SLC17A5: variants seen among roughly 807,000 people sequenced by gnomAD.
The protein encoded by SLC17A5 is solute carrier family 17 member 5, also known as sialin.
A neutral mutation model predicts 59.4 loss-of-function variants in SLC17A5; 47 were observed. That is an observed-to-expected ratio of 0.79 (90% CI 0.63 to 1.01). SLC17A5 has a LOEUF of 1.01. SLC17A5 is among the 50% of genes least tolerant of loss of function. The pLI, the probability that SLC17A5 is intolerant of heterozygous loss-of-function variation, is 0.00. For synonymous variants in SLC17A5, 202 were observed against 210.7 expected (o/e 0.96, Z 0.36); for missense variants, 522 against 595.5 (o/e 0.88, Z 1.28).
intron 7 of SLC17A5, among the ~76,000 whole-genome samples, chr6:73,619,715 A>G (rs990326750): frequency 2.2e-4 from 34 of 152,130 alleles, no homozygotes; most frequent in Admixed American, 2.0e-4. Flanking sequence ...ATTTTAATTA[A>G]GATAAACCTT....
At chr6:73,607,813 G>A (rs961459709) in intron 9 of SLC17A5, among the ~76,000 whole-genome samples, 1 of 115,760 alleles carries the variant, frequency 8.6e-6, no homozygotes, top group Non-Finnish European at 1.7e-5. Flanking sequence ...GTCTCACTTT[G>A]TCACCCAGGC....
At position 73,598,901 on chromosome 6, in the gene SLC17A5, C is replaced by T. The variant is rs138508627; in HGVS notation, c.1350+1450G>A. Among the ~76,000 whole-genome samples the T allele has an allele frequency of 7.4e-3, 1,123 of 151,662 alleles. 13 individuals are homozygous for T. The highest frequency in any genetic ancestry group is 0.025 in the African/African-American group (1,013 of 41,340). On this transcript the variant is annotated intron_variant, in intron 10 of 10. Transcript: ENST00000355773. ...CGGGAGGCTGAGGCAGGAAAATCGC[C>T]GGAACCCGGGAGGCAAAGGTTGTGG...
At chr6:73,608,278 G>A (rs1442343988) in intron 9 of SLC17A5, among the ~76,000 whole-genome samples, 1 of 152,120 alleles carries the variant, frequency 6.6e-6, no homozygotes, top group African/African-American at 2.4e-5. Context: ...ATTGGGGTTG[G>A]TTCATGTGAC....
intron 3 of SLC17A5, 39 bp from the exon 4 acceptor site, chr6:73,638,538 G>C (rs754243791): frequency 1.3e-6 from 2 of 1,513,926 alleles, no homozygotes; most frequent in South Asian, 2.3e-5. Context: ...TGAAATGTAA[G>C]GTAGTTTTGT....
chr6:73,601,311 C>T (rs1243719112), intron 9 of SLC17A5, among the ~76,000 whole-genome samples: 1 of 146,122 alleles, frequency 6.8e-6, no homozygotes, highest in South Asian at 2.2e-4. Flanking sequence ...GCCCGGCAGC[C>T]GCCCCGTCTG....
At chr6:73,629,579 C>G (rs983465496) in intron 6 of SLC17A5, among the ~76,000 whole-genome samples, 1 of 152,038 alleles carries the variant, frequency 6.6e-6, no homozygotes, top group African/African-American at 2.4e-5. Flanking sequence ...TTGAGACCAG[C>G]CTGACCAACA....
At chr6:73,645,654 C>G (rs532408132) in intron 1 of SLC17A5, 4 of 212,214 alleles carry the variant, frequency 1.9e-5, no homozygotes, top group Non-Finnish European at 2.4e-5. Context: ...CGGGCGTGGT[C>G]GCGGGCGCCT....
chr6:73,629,794 GAAGA>G (rs951842017), intron 6 of SLC17A5, among the ~76,000 whole-genome samples: 4 of 151,902 alleles, frequency 2.6e-5, no homozygotes, highest in African/African-American at 4.8e-5. Flanking sequence ...AAAAAAACAA[GAAGA>G]AAGAAAAGAA....
At chr6:73,625,850 T>C (rs527890857) in intron 6 of SLC17A5, among the ~76,000 whole-genome samples, 5 of 152,280 alleles carry the variant, frequency 3.3e-5, no homozygotes, top group African/African-American at 1.2e-4. Flanking sequence ...TAAGTATCCC[T>C]AGTTTTTGAA....
intron 1 of SLC17A5, among the ~76,000 whole-genome samples, chr6:73,647,898 G>A (rs950341736): frequency 6.6e-6 from 1 of 152,054 alleles, no homozygotes; most frequent in Admixed American, 6.6e-5. Flanking sequence ...GTGAAACCCC[G>A]TCTCTACTAA....
chr6:73,608,246 G>A (rs1486255234), intron 9 of SLC17A5, among the ~76,000 whole-genome samples: 1 of 152,162 alleles, frequency 6.6e-6, no homozygotes, highest in East Asian at 1.9e-4. Context: ...TTGTCCTAAA[G>A]TCACATGATA....
At chr6:73,622,450 C>T (rs1206157745) in intron 6 of SLC17A5, among the ~76,000 whole-genome samples, 2 of 152,106 alleles carry the variant, frequency 1.3e-5, no homozygotes, top group African/African-American at 4.8e-5. Context: ...TATAGGCATA[C>T]TCCACCAGGC....
Position 73,649,241 on chromosome 6 carries a change from G to A in SLC17A5, c.94+4552C>T, listed in dbSNP as rs1045825113. On this transcript the variant is annotated intron_variant, in intron 1 of 10. Transcript: ENST00000355773. The stretch of plus-strand genomic sequence containing the variant: ...TCAAACTCCTGACCTCAGGCAATCC[G>A]CCCACCTTGGCATCCCAAAGCATTG... Among the ~76,000 whole-genome samples the A allele has an allele frequency of 5.9e-5, 9 of 152,208 alleles. No homozygotes were observed. In the South Asian group the frequency reaches 1.9e-3, roughly 32 times the overall value.
intron 9 of SLC17A5, among the ~76,000 whole-genome samples, chr6:73,605,039 CTTGCTATA>C (rs1039429540): frequency 2.0e-5 from 3 of 151,866 alleles, no homozygotes; most frequent in African/African-American, 7.3e-5. Context: ...GAGGTACGAT[CTTGCTATA>C]TTGCCCAGGC....
chr6:73,647,629 T>C (rs965673976), intron 1 of SLC17A5, among the ~76,000 whole-genome samples: 1 of 152,230 alleles, frequency 6.6e-6, no homozygotes, highest in Non-Finnish European at 1.5e-5. Context: ...TACCTTATCA[T>C]GTGAATTACA....
At chr6:73,646,498 T>C (rs911284548) in intron 1 of SLC17A5, among the ~76,000 whole-genome samples, 1 of 152,190 alleles carries the variant, frequency 6.6e-6, no homozygotes, top group Non-Finnish European at 1.5e-5. Flanking sequence ...ATGGTACCAC[T>C]ACCATAGTTA....
intron 9 of SLC17A5, among the ~76,000 whole-genome samples, chr6:73,603,276 C>T (rs1391844445): frequency 1.3e-5 from 2 of 152,008 alleles, no homozygotes; most frequent in Non-Finnish European, 2.9e-5. Context: ...GGACTATACA[C>T]GCATGCCATG....
chr6:73,653,542 CA>C, intron 1 of SLC17A5: 2 of 900,200 alleles, frequency 2.2e-6, no homozygotes, highest in Middle Eastern at 1.1e-3. Context: ...GGTGGGGCTG[CA>C]CCTGCCGAGG....
chr6:73,609,884 T>C (rs1767569667), intron 9 of SLC17A5, among the ~76,000 whole-genome samples: 1 of 151,912 alleles, frequency 6.6e-6, no homozygotes, highest in Admixed American at 6.6e-5. Context: ...GAAGGAGAAA[T>C]GGGAGATTGT....
Sources: allele counts gnomAD v4.1 joint callset (sites outside exome capture counted in the v4.1 genomes callset), GRCh38; gene constraint gnomAD v4.1.1; transcripts MANE v1.5; gene names NCBI Gene and HGNC (gene_info 2026-07-23, HGNC 2026-07-21).